GALNT18: variants seen among roughly 807,000 people sequenced by gnomAD.
GALNT18 encodes the protein GalNAc-transferase 18.
In GALNT18, 44 loss-of-function variants were observed where a neutral mutation model predicts 69.5. The ratio of observed to expected loss-of-function variants is 0.63; its 90% CI spans 0.50 to 0.81. GALNT18 has a LOEUF of 0.81. Among genes scored for constraint, GALNT18 ranks in the 40% least tolerant of loss-of-function variants. The pLI, the probability that GALNT18 is intolerant of heterozygous loss-of-function variation, is 0.00. For synonymous variants in GALNT18, 364 were observed against 318.2 expected, an observed-to-expected ratio of 1.14 and a Z score of -1.53; for missense variants, 715 against 810.0, an observed-to-expected ratio of 0.88 and a Z score of 1.42.
At chr11:11,567,458 C>T (rs1002416447) in intron 1 of GALNT18, among the ~76,000 whole-genome samples, 17 of 152,180 alleles carry the variant, frequency 1.1e-4, no homozygotes, top group African/African-American at 3.4e-4. Context: ...AAAGTAATAC[C>T]ATAATGTACA....
intron 1 of GALNT18, among the ~76,000 whole-genome samples, chr11:11,456,267 C>A (rs1855922281): frequency 6.6e-6 from 1 of 152,188 alleles, no homozygotes; most frequent in Admixed American, 6.5e-5. Flanking sequence ...TAAGAGAAAA[C>A]TGCAGCTGGA....
At chr11:11,437,271 T>C (rs1474306521) in intron 2 of GALNT18, among the ~76,000 whole-genome samples, 1 of 152,170 alleles carries the variant, frequency 6.6e-6, no homozygotes, top group Non-Finnish European at 1.5e-5. Context: ...AATTAAGCCA[T>C]AAAAACCTCC....
At chr11:11,398,990 C>A (rs578124503) in intron 3 of GALNT18, among the ~76,000 whole-genome samples, 37 of 152,258 alleles carry the variant, frequency 2.4e-4, no homozygotes, top group South Asian at 1.7e-3. Context: ...AAGGTGGAGC[C>A]AACCCTAAAG....
Position 11,353,414 on chromosome 11 carries a change from G to A in GALNT18, c.1093-12410C>T, listed in dbSNP as rs1850462302. ...ACTCAGCATATTCAGAGCCCTTTTT[G>A]GGGGTTAAGTCCCTTTCAATTGCTG... On this transcript the variant is annotated intron_variant, in intron 6 of 10. Coordinates refer to ENST00000227756, the MANE Select transcript of GALNT18 (RefSeq NM_198516.3). 5.8e-6 allele frequency: 3 copies of A among 521,166 alleles called. No individual in the cohort carries two copies. In the Admixed American group the frequency reaches 1.1e-4, roughly 19 times the overall value. The allele number at this position is 521,166 out of a possible 1,614,324, so 32.3% of individuals were successfully genotyped here.
At chr11:11,475,134 C>T (rs1590035923) in intron 1 of GALNT18, 1 of 150,412 alleles carries the variant, frequency 6.6e-6, no homozygotes, top group Admixed American at 6.6e-5. Flanking sequence ...TCAACTTTCT[C>T]CCATTTCAAT....
chr11:11,417,314 G>C (rs768012491), intron 3 of GALNT18, among the ~76,000 whole-genome samples: 1 of 152,222 alleles, frequency 6.6e-6, no homozygotes, highest in South Asian at 2.1e-4. Context: ...AGCCTATCTG[G>C]AGTGGCTACT....
Position 11,439,382 on chromosome 11 carries a change from A to G in GALNT18, c.429-6595T>C, listed in dbSNP as rs1855486180. On this transcript the variant is annotated intron_variant, in intron 2 of 10. Transcript: ENST00000227756. The surrounding 1 kb of genome is among the most constrained non-coding windows in gnomAD (Gnocchi z 4.4). ...TGTGGGCCTTCATCAGCCTTCAAAAAATCCCAACCACCTGTGGTCACCTGC... is the reference window on the plus strand; with the variant it reads ...TGTGGGCCTTCATCAGCCTTCAAAAGATCCCAACCACCTGTGGTCACCTGC... 6.6e-6 allele frequency among the ~76,000 whole-genome samples: 1 copy of G among 152,088 alleles called. No homozygotes were observed. Among genetic ancestry groups the G allele is most frequent in the Non-Finnish European group, 1.5e-5 (1 of 68,020 alleles).
intron 1 of GALNT18, among the ~76,000 whole-genome samples, chr11:11,525,791 C>A (rs537235467): frequency 2.0e-5 from 3 of 151,966 alleles, no homozygotes; most frequent in African/African-American, 7.3e-5. Flanking sequence ...CCCGCCACCA[C>A]GCCCAGCTAA....
rs1041221622 is a variant in GALNT18 at position 11,358,993 on chromosome 11, G to A, written c.1092+13522C>T. Among the ~76,000 whole-genome samples the A allele has an allele frequency of 5.7e-5, 8 of 140,492 alleles. 1 individual carries two copies. Among genetic ancestry groups the A allele is most frequent in the African/African-American group, 2.1e-4 (8 of 38,002 alleles). The allele number at this position is 140,492 out of a possible 152,430, so 92.2% of individuals were successfully genotyped here. On this transcript the variant is annotated intron_variant, in intron 6 of 10. Coordinates refer to ENST00000227756, the MANE Select transcript of GALNT18 (RefSeq NM_198516.3). ...TTTAATTTTCTCTGTGTCCAGGGAT[G>A]GGAAATAAAAGAATCTGCTTGCAGC...
intron 3 of GALNT18, among the ~76,000 whole-genome samples, chr11:11,428,312 C>T (rs148211070): frequency 2.7e-3 from 412 of 152,332 alleles, no homozygotes; most frequent in Middle Eastern, 0.017. Context: ...TCTCTTCTTC[C>T]CCTTTTGAGG....
intron 2 of GALNT18, among the ~76,000 whole-genome samples, chr11:11,437,914 A>G (rs1345956966): frequency 6.6e-6 from 1 of 152,046 alleles, no homozygotes; most frequent in African/African-American, 2.4e-5. Context: ...AGCAAGTGAG[A>G]CGGTGGCACT....
At chr11:11,306,288 A>AAT (rs1258640872) in intron 9 of GALNT18, among the ~76,000 whole-genome samples, 1 of 152,190 alleles carries the variant, frequency 6.6e-6, no homozygotes, top group African/African-American at 2.4e-5. Context: ...ACATATGGTC[A>AAT]ATGTGGGATC....
At chr11:11,379,407 C>A in intron 3 of GALNT18, 143 bp from the exon 4 acceptor site, 2 of 710,040 alleles carry the variant, frequency 2.8e-6, no homozygotes, top group East Asian at 2.6e-5. Context: ...TCAGTGGTCC[C>A]CACAGTGGCC....
chr11:11,292,353 A>AC lies in GALNT18; in HGVS notation c.1677+675dup, dbSNP rs145229290. Among the ~76,000 whole-genome samples the AC allele has an allele frequency of 4.5e-3, 691 of 152,266 alleles. 11 individuals are homozygous for AC. The highest frequency in any genetic ancestry group is 0.016 in the African/African-American group (657 of 41,552). ...AAGCTAGGCATCTAGATCCTTGGCAACATTCTATAATGGGAGCTACTAGGG... is the reference window on the plus strand; with the variant it reads ...AAGCTAGGCATCTAGATCCTTGGCAACCATTCTATAATGGGAGCTACTAGGG... On this transcript the variant is annotated intron_variant, in intron 10 of 10. Coordinates refer to ENST00000227756, the MANE Select transcript of GALNT18 (RefSeq NM_198516.3).
intron 1 of GALNT18, among the ~76,000 whole-genome samples, chr11:11,456,453 CG>C (rs1351788705): frequency 6.6e-6 from 1 of 152,180 alleles, no homozygotes; most frequent in African/African-American, 2.4e-5. Flanking sequence ...ACCTTCCTAG[CG>C]GTGGCAAACA....
intron 3 of GALNT18, among the ~76,000 whole-genome samples, chr11:11,416,790 G>A (rs1854873182): frequency 6.6e-6 from 1 of 152,192 alleles, no homozygotes; most frequent in African/African-American, 2.4e-5. Context: ...CCACACAGGG[G>A]AAGGGAATTA....
chr11:11,276,077 T>C (rs183677314), intron 10 of GALNT18, among the ~76,000 whole-genome samples: 1 of 152,332 alleles, frequency 6.6e-6, no homozygotes, highest in African/African-American at 2.4e-5. Flanking sequence ...AGAAAGTCAG[T>C]GGTAGCTTGA....
In GALNT18 at chr11:11,543,661, A is replaced by G. The variant is rs539977708; in HGVS notation, c.235+77698T>C. ...CAGAGCCTCTGTTCCTCCCCTCGCCACCCACTGACCTGATGCGAATCCCAT... is the reference window on the plus strand; with the variant it reads ...CAGAGCCTCTGTTCCTCCCCTCGCCGCCCACTGACCTGATGCGAATCCCAT... On this transcript the variant is annotated intron_variant, in intron 1 of 10. Transcript: ENST00000227756. This position sits in a 1 kb window ranked among gnomAD's most constrained non-coding sequence, Gnocchi z 5.1. Among the ~76,000 whole-genome samples, 1 of 152,156 alleles carries G rather than the reference A, an allele frequency of 6.6e-6. No homozygotes were observed. The highest frequency in any genetic ancestry group is 1.5e-5 in the Non-Finnish European group (1 of 68,030).
At chr11:11,476,124 G>T (rs551785203) in intron 1 of GALNT18, 1 of 152,330 alleles carries the variant, frequency 6.6e-6, no homozygotes, top group Non-Finnish European at 1.5e-5. Context: ...ATTAGTTCAA[G>T]AATGATATTT....
Sources: allele counts gnomAD v4.1 joint callset (sites outside exome capture counted in the v4.1 genomes callset), GRCh38; gene constraint gnomAD v4.1.1; non-coding constraint Gnocchi (gnomAD v3.1); transcripts MANE v1.5; gene names NCBI Gene and HGNC (gene_info 2026-07-23, HGNC 2026-07-21).